Variants in MAGI3 observed in about 807,000 individuals in gnomAD.
MAGI3 encodes the protein membrane associated guanylate kinase, WW and PDZ domain containing 3.
MAGI3 carries 43 observed loss-of-function variants against 121.8 expected under a neutral mutation model. The ratio of observed to expected loss-of-function variants is 0.35; its 90% CI spans 0.28 to 0.46. The LOEUF (loss-of-function observed/expected upper bound fraction) is 0.46, where lower values mean the gene tolerates loss of function less well. Among genes scored for constraint, MAGI3 ranks in the 20% least tolerant of loss-of-function variants. The probability of loss-of-function intolerance (pLI) is 1.00; values close to 1 mark genes in which losing one functional copy is unlikely to be tolerated. For synonymous variants in MAGI3, 553 were observed against 639.3 expected (o/e 0.86, Z 2.04); for missense variants, 1,547 against 1,797.3 (o/e 0.86, Z 2.52).
At chr1:113,415,875 G>A (rs1229592775) in intron 1 of MAGI3, among the ~76,000 whole-genome samples, 1 of 151,844 alleles carries the variant, frequency 6.6e-6, no homozygotes, top group Non-Finnish European at 1.5e-5. Flanking sequence ...AAGTCGTACT[G>A]TATATATAGT....
chr1:113,594,122 A>G (rs1648852845), intron 5 of MAGI3, among the ~76,000 whole-genome samples: 3 of 152,208 alleles, frequency 2.0e-5, no homozygotes, highest in African/African-American at 7.2e-5. Context: ...CAGTGAGCAA[A>G]CAAGGTTTTC....
intron 1 of MAGI3, among the ~76,000 whole-genome samples, chr1:113,430,373 T>C (rs760413214): frequency 6.6e-5 from 10 of 152,200 alleles, no homozygotes; most frequent in Non-Finnish European, 1.5e-4. Flanking sequence ...GAGCCATTGT[T>C]CTTGTAGTTC....
chr1:113,454,697 T>TC (rs1354526462), intron 1 of MAGI3, among the ~76,000 whole-genome samples: 2 of 152,008 alleles, frequency 1.3e-5, no homozygotes, highest in Non-Finnish European at 2.9e-5. Flanking sequence ...TCCCTGTCTC[T>TC]ATGTGTTCTC....
rs546516526 is a variant in MAGI3, at chr1:113,550,732, G to A, written c.433+1101G>A. ...GATCATGCCGTTGCACTCCAGCCTG[G>A]GCAACAAGAGCAAGACCCTCAACTC... On this transcript the variant is annotated intron_variant, in intron 2 of 20. Coordinates refer to ENST00000307546, the MANE Select transcript of MAGI3 (RefSeq NM_001142782.2). Among the ~76,000 whole-genome samples the A allele has an allele frequency of 2.7e-4, 40 of 149,588 alleles. 1 individual carries two copies. The highest frequency in any genetic ancestry group is 2.3e-3 in the Admixed American group (34 of 15,028).
intron 1 of MAGI3, among the ~76,000 whole-genome samples, chr1:113,417,772 C>T (rs1652530830): frequency 6.6e-6 from 1 of 152,090 alleles, no homozygotes; most frequent in Admixed American, 6.6e-5. Context: ...CTGTAAGTCT[C>T]ACTGAGGTGC....
chr1:113,474,101 T>G (rs1449995805), intron 1 of MAGI3, among the ~76,000 whole-genome samples: 1 of 152,198 alleles, frequency 6.6e-6, no homozygotes, highest in South Asian at 2.1e-4. Flanking sequence ...TTTGCCCACT[T>G]TTTGATGGGG....
chr1:113,551,207 A>G (rs1429993257), intron 2 of MAGI3, among the ~76,000 whole-genome samples: 1 of 152,182 alleles, frequency 6.6e-6, no homozygotes, highest in Non-Finnish European at 1.5e-5. Flanking sequence ...CTTACCTCAT[A>G]TAGCTGTTAC....
intron 1 of MAGI3, among the ~76,000 whole-genome samples, chr1:113,468,824 C>G (rs1655412399): frequency 6.6e-6 from 1 of 151,946 alleles, no homozygotes; most frequent in Non-Finnish European, 1.5e-5. Context: ...ACATGTGGCT[C>G]ACATTTGTAG....
chr1:113,582,190 A>C (rs752695047), intron 3 of MAGI3, among the ~76,000 whole-genome samples: 13 of 152,162 alleles, frequency 8.5e-5, no homozygotes, highest in African/African-American at 1.2e-4. Context: ...TGGCAAGACT[A>C]TAAAATGGTA....
chr1:113,535,814 A>G (rs1367114039), intron 1 of MAGI3, among the ~76,000 whole-genome samples: 1 of 152,068 alleles, frequency 6.6e-6, no homozygotes. Flanking sequence ...TGAATTCCAC[A>G]TAGTTATATC....
intron 6 of MAGI3, among the ~76,000 whole-genome samples, chr1:113,608,901 T>G (rs1462554052): frequency 6.6e-6 from 1 of 152,198 alleles, no homozygotes; most frequent in African/African-American, 2.4e-5. Context: ...TAGTATCCCC[T>G]TTTATTCTCA....
rs1230435741 is a variant in MAGI3 at position 113,683,510 on chromosome 1, A to C, written c.3942A>C (p.Arg1314=). ...CCAAATTATTAGAGGGTAAGAGTCG[A>C]AGAATAGCAGGCTATACGGGCAGTA... is the stretch of plus-strand genomic sequence containing the variant. ...AEAKLLEGKS[R]RIAGYTGSNA... The change falls in exon 21 of 21, where the codon CGA becomes CGC. Residue 1314 remains arginine (R), a synonymous_variant. Transcript: ENST00000307546. 1 of 1,614,030 alleles carries C rather than the reference A, an allele frequency of 6.2e-7. No homozygotes were observed. The highest frequency in any genetic ancestry group is 1.3e-5 in the African/African-American group (1 of 75,062).
At chr1:113,598,506 A>G (rs982717064) in intron 6 of MAGI3, among the ~76,000 whole-genome samples, 1 of 152,140 alleles carries the variant, frequency 6.6e-6, no homozygotes, top group African/African-American at 2.4e-5. Context: ...CACAAATGGA[A>G]ACTCAAAGTG....
At chr1:113,451,267 A>G (rs75402723) in intron 1 of MAGI3, among the ~76,000 whole-genome samples, 7,911 of 152,250 alleles carry the variant, frequency 0.052, 253 homozygotes, top group Non-Finnish European at 0.074. Context: ...ACAGGCTTTA[A>G]CCTGTAAAAT....
intron 1 of MAGI3, among the ~76,000 whole-genome samples, chr1:113,496,064 C>T (rs887092454): frequency 2.8e-4 from 42 of 152,042 alleles, no homozygotes; most frequent in Non-Finnish European, 5.4e-4. Flanking sequence ...TTTCTGTGAG[C>T]TTTTTGTTTA....
At chr1:113,463,119 C>A (rs1489641459) in intron 1 of MAGI3, among the ~76,000 whole-genome samples, 2 of 151,936 alleles carry the variant, frequency 1.3e-5, no homozygotes, top group African/African-American at 4.8e-5. Flanking sequence ...AACAAATCTC[C>A]AGTCTAGTGG....
Position 113,683,339 on chromosome 1 carries a change from C to G in MAGI3, c.3771C>G (p.Ser1257Arg). Residue 1257 changes from serine to arginine, a missense_variant, in exon 21 of 21, where the codon AGC (serine) becomes AGG (arginine). Ser to Arg is a moderately radical substitution (Grantham distance 110). Transcript: ENST00000307546. ...GAAGACCCAGAGATCAATCCCTCAG[C>G]CCCAGCAAAGGGGAAAATAAAAGTT... Reference protein sequence around the residue: ...PKRRPRDQSLSPSKGENKSCQ... With the variant: ...PKRRPRDQSLRPSKGENKSCQ... 6.2e-7 allele frequency: 1 copy of G among 1,613,910 alleles called. No homozygotes were observed. Among genetic ancestry groups the G allele is most frequent in the Non-Finnish European group, 8.5e-7 (1 of 1,179,890 alleles).
chr1:113,486,705 G>A (rs1656399438), intron 1 of MAGI3, among the ~76,000 whole-genome samples: 1 of 145,458 alleles, frequency 6.9e-6, no homozygotes, highest in African/African-American at 2.5e-5. Context: ...AATCTAGAGT[G>A]CAATGGCATG....
intron 13 of MAGI3, 26 bp from the exon 14 acceptor site, chr1:113,650,988 C>T (rs746565534): frequency 1.9e-6 from 3 of 1,599,152 alleles, no homozygotes; most frequent in Non-Finnish European, 2.6e-6. Context: ...CACTGTGGAC[C>T]AAACTGTACT....
Sources: gnomAD v4.1 joint callset for allele counts (sites outside exome capture counted in the v4.1 genomes callset) on GRCh38, gnomAD v4.1.1 for gene constraint, MANE v1.5 for transcripts, NCBI Gene and HGNC (gene_info 2026-07-23, HGNC 2026-07-21) for gene names.